The following FGF13 variants were observed in gnomAD, a reference collection of about 807,000 sequenced individuals.
FGF13 encodes fibroblast growth factor homologous factor 2.
Under a neutral mutation model 19.5 loss-of-function variants are expected in FGF13, and 2 were observed. That is an observed-to-expected ratio of 0.10 (90% confidence interval 0.04 to 0.32). The LOEUF (loss-of-function observed/expected upper bound fraction) is 0.32, where lower values mean the gene tolerates loss of function less well. Among genes scored for constraint, FGF13 ranks in the 10% least tolerant of loss-of-function variants. FGF13 has a pLI of 1.00. For missense variants in FGF13, 113 were observed against 192.7 expected, an observed-to-expected ratio of 0.59 and a Z score of 2.45; for synonymous variants, 72 against 76.9, an observed-to-expected ratio of 0.94 and a Z score of 0.33.
At position 138,625,891 on chromosome X, in the gene FGF13, A is replaced by T. The variant is rs1465053396; in HGVS notation, c.*6959T>A. ...ATAATTTTGCTGATTTTTTTCTGAT[A>T]TGATTGTACTGGTCAAACTGCCCCT... is the stretch of plus-strand genomic sequence containing the variant. On this transcript the variant is annotated 3_prime_UTR_variant, in exon 5 of 5. Coordinates refer to ENST00000315930, the MANE Select transcript of FGF13 (RefSeq NM_004114.5). 2 of 111,157 alleles carry T rather than the reference A, an allele frequency of 1.8e-5. No homozygotes were observed. The highest frequency in any genetic ancestry group is 3.8e-5 in the Non-Finnish European group (2 of 53,039). The allele number at this position is 111,157 out of a possible 1,213,427, so 9.2% of individuals were successfully genotyped here. A position where few individuals can be genotyped will look rare whatever the true frequency, so the allele number is the denominator to read the frequency against.
chrX:138,656,849 AAAG>A (rs2089442645), intron 3 of FGF13, among the ~76,000 whole-genome samples: 1 of 112,038 alleles, frequency 8.9e-6, no homozygotes, highest in Non-Finnish European at 1.9e-5. Context: ...TCCAAAAAAC[AAAG>A]AAGGCTGAAA....
chrX:138,992,746 T>C (rs1454244767), intron 1 of FGF13, among the ~76,000 whole-genome samples: 1 of 112,009 alleles, frequency 8.9e-6, no homozygotes, highest in African/African-American at 3.2e-5. Context: ...CAAAAGTGAT[T>C]ATTGTAGTTA....
intron 1 of FGF13, among the ~76,000 whole-genome samples, chrX:139,191,914 C>T (rs2084332978): frequency 9.0e-6 from 1 of 111,512 alleles, no homozygotes; most frequent in African/African-American, 3.3e-5. Context: ...GCTATTCTAA[C>T]AGCTGTGCTA....
chrX:138,922,427 G>T (rs1296968583), intron 1 of FGF13, among the ~76,000 whole-genome samples: 1 of 111,545 alleles, frequency 9.0e-6, no homozygotes, highest in African/African-American at 3.3e-5. Context: ...CTCAATCTGT[G>T]GGGAGTCTCT....
At chrX:138,940,180 G>A (rs1265817229) in intron 1 of FGF13, among the ~76,000 whole-genome samples, 2 of 111,543 alleles carry the variant, frequency 1.8e-5, no homozygotes, top group Non-Finnish European at 3.8e-5. Context: ...GTGATGGTGA[G>A]CTTTTTTTTA....
At chrX:138,836,662 T>C (rs2091114274) in intron 3 of FGF13, among the ~76,000 whole-genome samples, 1 of 112,012 alleles carries the variant, frequency 8.9e-6, no homozygotes, top group Non-Finnish European at 1.9e-5. Flanking sequence ...ACTTCATTCC[T>C]ATCCATATTC....
At chrX:138,696,123 T>C (rs2089892887) in intron 3 of FGF13, among the ~76,000 whole-genome samples, 2 of 111,664 alleles carry the variant, frequency 1.8e-5, no homozygotes, top group South Asian at 7.5e-4. Flanking sequence ...AATAAACCAA[T>C]GTAGGAACAT....
intron 3 of FGF13, among the ~76,000 whole-genome samples, chrX:138,748,279 ATGTGAC>A (rs1331377470): frequency 1.8e-5 from 2 of 111,759 alleles, no homozygotes; most frequent in Non-Finnish European, 3.8e-5. Flanking sequence ...CTAACCCCCA[ATGTGAC>A]TGTATTTGAA....
chrX:138,743,211 A>G (rs1011625174), upstream of FGF13, among the ~76,000 whole-genome samples: 2 of 111,785 alleles, frequency 1.8e-5, no homozygotes, highest in African/African-American at 6.5e-5. Flanking sequence ...AAAGAGGGCT[A>G]AAAGAGATGA....
chrX:138,828,442 C>T (rs1379795196), intron 3 of FGF13, among the ~76,000 whole-genome samples: 2 of 109,798 alleles, frequency 1.8e-5, no homozygotes, highest in East Asian at 2.9e-4. Flanking sequence ...TGGTGGCGGG[C>T]GCCTGTAGTC....
chrX:138,701,622 TC>T (rs777377128), intron 3 of FGF13, among the ~76,000 whole-genome samples: 5 of 112,548 alleles, frequency 4.4e-5, no homozygotes, highest in Non-Finnish European at 9.4e-5. Flanking sequence ...TCTCTTTTTT[TC>T]ATAATCTTTT....
chrX:138,825,066 G>C (rs1240666049), intron 3 of FGF13, among the ~76,000 whole-genome samples: 1 of 111,614 alleles, frequency 9.0e-6, no homozygotes, highest in Non-Finnish European at 1.9e-5. Context: ...GGGATGTTTG[G>C]GCTGTTATTA....
chrX:138,909,569 C>T (rs1204861932), intron 1 of FGF13, among the ~76,000 whole-genome samples: 2 of 111,609 alleles, frequency 1.8e-5, no homozygotes, highest in African/African-American at 3.3e-5. Context: ...GTATTGTTTC[C>T]CAACTTTGTG....
At position 138,652,633 on chromosome X, in the gene FGF13, G is replaced by A. The variant is rs762295833; in HGVS notation, c.403-16978C>T. Among the ~76,000 whole-genome samples the A allele has an allele frequency of 2.7e-5, 3 of 112,190 alleles. No homozygotes were observed. The South Asian group carries it at 1.1e-3, about 42-fold the overall frequency. On this transcript the variant is annotated intron_variant, in intron 3 of 4. Coordinates refer to ENST00000315930, the MANE Select transcript of FGF13 (RefSeq NM_004114.5). ...ATATTTAGGACCCTACTGAGGTACA[G>A]TTCTCAGGACTTTAATTTTCACTGC...
chrX:138,801,827 C>T (rs2090831601), intron 3 of FGF13, among the ~76,000 whole-genome samples: 1 of 112,479 alleles, frequency 8.9e-6, no homozygotes, highest in African/African-American at 3.2e-5. Flanking sequence ...AGCTGCTTTG[C>T]TGCACTGTGG....
At chrX:139,204,019 G>A (rs762659593), upstream of FGF13, 5 of 1,194,471 alleles carry the variant, frequency 4.2e-6, no homozygotes, top group African/African-American at 5.3e-5. Flanking sequence ...CGAGGGAAAC[G>A]AAGGAAAGGA....
intron 3 of FGF13, among the ~76,000 whole-genome samples, chrX:138,660,272 C>A (rs2089478027): frequency 9.0e-6 from 1 of 111,211 alleles, no homozygotes; most frequent in Non-Finnish European, 1.9e-5. Flanking sequence ...GGAACTTACT[C>A]CTTGAGAAGT....
At chrX:138,739,713 C>T (rs767513305), upstream of FGF13, among the ~76,000 whole-genome samples, 17 of 111,493 alleles carry the variant, frequency 1.5e-4, no homozygotes, top group Admixed American at 6.7e-4. Flanking sequence ...AAAGTCTCCC[C>T]GATAGTGTTT....
intron 1 of FGF13, among the ~76,000 whole-genome samples, chrX:139,094,457 C>G (rs1420310310): frequency 1.8e-5 from 2 of 111,444 alleles, no homozygotes; most frequent in Non-Finnish European, 3.8e-5. Context: ...GAGCCATATC[C>G]AGGTGAGAGG....
Sources: allele counts gnomAD v4.1 joint callset (sites outside exome capture counted in the v4.1 genomes callset), GRCh38; gene constraint gnomAD v4.1.1; transcripts MANE v1.5; gene names NCBI Gene and HGNC (gene_info 2026-07-23, HGNC 2026-07-21).